EPHA3: variants seen among roughly 807,000 people sequenced by gnomAD.
The protein encoded by EPHA3 is EPH receptor A3.
In EPHA3, 42 loss-of-function variants were observed where a neutral mutation model predicts 107.1. That is an observed-to-expected ratio of 0.39 (90% CI 0.31 to 0.51). The LOEUF (loss-of-function observed/expected upper bound fraction) is 0.51. Among genes scored for constraint, EPHA3 ranks in the 20% least tolerant of loss-of-function variants. The probability of loss-of-function intolerance (pLI) is 0.78; values close to 1 mark genes in which losing one functional copy is unlikely to be tolerated. For synonymous variants in EPHA3, 461 were observed against 424.8 expected, an observed-to-expected ratio of 1.09 and a Z score of -1.05; for missense variants, 1,183 against 1,211.2, an observed-to-expected ratio of 0.98 and a Z score of 0.35.
At chr3:89,238,335 A>C (rs1415438295) in intron 3 of EPHA3, among the ~76,000 whole-genome samples, 1 of 152,228 alleles carries the variant, frequency 6.6e-6, no homozygotes, top group Non-Finnish European at 1.5e-5. Context: ...TAATCATCTC[A>C]TCAAGTAACA....
chr3:89,128,021 A>G (rs906078669), intron 2 of EPHA3, among the ~76,000 whole-genome samples: 5 of 152,098 alleles, frequency 3.3e-5, no homozygotes, highest in Non-Finnish European at 7.4e-5. Flanking sequence ...ATTCCTGAGC[A>G]TACCTTTTTG....
At chr3:89,119,396 AG>A (rs1443176775) in intron 1 of EPHA3, among the ~76,000 whole-genome samples, 1 of 152,126 alleles carries the variant, frequency 6.6e-6, no homozygotes, top group Admixed American at 6.5e-5. Context: ...TGACTATTCC[AG>A]TGCGGAGTTT....
chr3:89,350,235 C>T (rs1390846130), intron 5 of EPHA3, among the ~76,000 whole-genome samples: 1 of 150,220 alleles, frequency 6.7e-6, no homozygotes, highest in Non-Finnish European at 1.5e-5. Context: ...TCCATTCTCC[C>T]CGTCACTTTC....
At chr3:89,383,731 C>T (rs896510467) in intron 5 of EPHA3, among the ~76,000 whole-genome samples, 1 of 146,324 alleles carries the variant, frequency 6.8e-6, no homozygotes, top group Non-Finnish European at 1.5e-5. Flanking sequence ...TCACTGCAAG[C>T]TCCACCTCCC....
intron 2 of EPHA3, among the ~76,000 whole-genome samples, chr3:89,131,799 G>A (rs547850210): frequency 1.6e-4 from 24 of 152,272 alleles, no homozygotes; most frequent in African/African-American, 3.8e-4. Context: ...ATGTCTTAGC[G>A]GTGAACATGC....
At chr3:89,139,790 A>G (rs1481939552) in intron 2 of EPHA3, among the ~76,000 whole-genome samples, 1 of 151,684 alleles carries the variant, frequency 6.6e-6, no homozygotes, top group Admixed American at 6.6e-5. Flanking sequence ...TGCTCTTTTC[A>G]TTCCTCCTCT....
chr3:89,154,024 T>C (rs1228619346), intron 2 of EPHA3, among the ~76,000 whole-genome samples: 2 of 152,050 alleles, frequency 1.3e-5, no homozygotes, highest in Non-Finnish European at 2.9e-5. Context: ...TTCCCCTTTG[T>C]CCTGAAGCCA....
intron 2 of EPHA3, among the ~76,000 whole-genome samples, chr3:89,173,445 C>T (rs1203361111): frequency 1.3e-5 from 2 of 151,954 alleles, no homozygotes; most frequent in African/African-American, 4.8e-5. Flanking sequence ...TGAGTAAACT[C>T]AGTTTCATTT....
intron 3 of EPHA3, among the ~76,000 whole-genome samples, chr3:89,317,190 T>C (rs1706929399): frequency 6.6e-6 from 1 of 151,872 alleles, no homozygotes; most frequent in South Asian, 2.1e-4. Flanking sequence ...CAGATTAAAA[T>C]AGTTCAAAAC....
At chr3:89,165,169 T>C (rs1356162345) in intron 2 of EPHA3, among the ~76,000 whole-genome samples, 2 of 152,160 alleles carry the variant, frequency 1.3e-5, no homozygotes, top group Non-Finnish European at 2.9e-5. Context: ...CTGGGATCCA[T>C]GGGAAAATTC....
intron 3 of EPHA3, among the ~76,000 whole-genome samples, chr3:89,308,336 T>C (rs1576302715): frequency 6.6e-6 from 1 of 152,024 alleles, no homozygotes; most frequent in East Asian, 1.9e-4. Context: ...AACACAAAGA[T>C]AAGAGCAAAA....
intron 13 of EPHA3, among the ~76,000 whole-genome samples, chr3:89,443,250 C>T (rs535012789): frequency 6.6e-6 from 1 of 152,140 alleles, no homozygotes; most frequent in Admixed American, 6.5e-5. Context: ...TTTATGGAGT[C>T]AAATGAAAAT....
In EPHA3 at chr3:89,350,402, A is replaced by G. The variant is rs1364758293; in HGVS notation, c.1306+8312A>G. Among the ~76,000 whole-genome samples the G allele has an allele frequency of 2.0e-5, 3 of 151,352 alleles. 1 individual carries two copies. The highest frequency in any genetic ancestry group is 4.4e-5 in the Non-Finnish European group (3 of 67,640). On this transcript the variant is annotated intron_variant, in intron 5 of 16. Coordinates refer to ENST00000336596, the MANE Select transcript of EPHA3 (RefSeq NM_005233.6). ...TCACTGATACCCTTTCTTCCAGTTG[A>G]TCACATCGTCTCCTGAGGCTTCTGC...
At chr3:89,307,191 T>G (rs945981802) in intron 3 of EPHA3, among the ~76,000 whole-genome samples, 1 of 152,096 alleles carries the variant, frequency 6.6e-6, no homozygotes, top group African/African-American at 2.4e-5. Context: ...AGCATAACCA[T>G]GGAAACCAAG....
chr3:89,268,872 A>G (rs1705597511), intron 3 of EPHA3, among the ~76,000 whole-genome samples: 2 of 151,770 alleles, frequency 1.3e-5, no homozygotes, highest in Admixed American at 1.3e-4. Context: ...TGTTGTGATA[A>G]ATGATATAAT....
At position 89,200,238 on chromosome 3, in the gene EPHA3, T is replaced by C. The variant is rs187247750; in HGVS notation, c.154-9622T>C. 1.2e-4 allele frequency among the ~76,000 whole-genome samples: 19 copies of C among 152,286 alleles called. No homozygotes were observed. In the East Asian group the frequency reaches 3.3e-3, roughly 26 times the overall value. ...ATTTCACAGAGAAAAATTAAAGATA[T>C]CAATTTATTTATATACACGTACCTT... is the stretch of plus-strand genomic sequence containing the variant. On this transcript the variant is annotated intron_variant, in intron 2 of 16. Coordinates refer to ENST00000336596, the MANE Select transcript of EPHA3 (RefSeq NM_005233.6).
chr3:89,420,042 A>G (rs1353657437), intron 11 of EPHA3, among the ~76,000 whole-genome samples: 1 of 151,388 alleles, frequency 6.6e-6, no homozygotes, highest in African/African-American at 2.4e-5. Flanking sequence ...AGGTCTCAAA[A>G]GGGATCCTGT....
At chr3:89,239,737 C>T (rs1704851284) in intron 3 of EPHA3, among the ~76,000 whole-genome samples, 1 of 152,140 alleles carries the variant, frequency 6.6e-6, no homozygotes, top group Non-Finnish European at 1.5e-5. Context: ...TCAGTAATCT[C>T]TGCACAAGAT....
At chr3:89,288,452 A>G (rs1706140394) in intron 3 of EPHA3, among the ~76,000 whole-genome samples, 1 of 152,142 alleles carries the variant, frequency 6.6e-6, no homozygotes, top group South Asian at 2.1e-4. Flanking sequence ...TGTACTGTAT[A>G]TCTATTTTAA....
Sources: allele counts gnomAD v4.1 joint callset (sites outside exome capture counted in the v4.1 genomes callset), GRCh38; gene constraint gnomAD v4.1.1; transcripts MANE v1.5; gene names NCBI Gene and HGNC (gene_info 2026-07-23, HGNC 2026-07-21).